The following GLI3 variants were observed in gnomAD, a reference collection of about 807,000 sequenced individuals.
The protein encoded by GLI3 is transcription activator GLI3.
GLI3 carries 20 observed loss-of-function variants against 100.8 expected under a neutral mutation model. The ratio of observed to expected loss-of-function variants is 0.20; its 90% CI spans 0.14 to 0.29. GLI3 has a LOEUF of 0.29. Among genes scored for constraint, GLI3 ranks in the 10% least tolerant of loss-of-function variants. The pLI is 1.00. For synonymous variants in GLI3, 938 were observed against 860.5 expected, an observed-to-expected ratio of 1.09 and a Z score of -1.58; for missense variants, 2,040 against 2,128.5, an observed-to-expected ratio of 0.96 and a Z score of 0.82.
At chr7:42,260,966 G>C (rs1026652007) in intron 1 of GLI3, among the ~76,000 whole-genome samples, 2 of 152,176 alleles carry the variant, frequency 1.3e-5, no homozygotes, top group African/African-American at 4.8e-5. Context: ...AGCATGGCTA[G>C]AGCATACTCT....
chr7:41,978,566 C>A (rs1347237487), intron 11 of GLI3, 33 bp downstream of exon 11: 1 of 1,608,880 alleles, frequency 6.2e-7, no homozygotes, highest in Non-Finnish European at 8.5e-7. Flanking sequence ...GGGGAAGGAC[C>A]CAAGTGTGCC....
chr7:42,258,507 C>A (rs1218494353), intron 1 of GLI3, among the ~76,000 whole-genome samples: 2 of 152,156 alleles, frequency 1.3e-5, no homozygotes, highest in Non-Finnish European at 2.9e-5. Context: ...TGTTAAAATG[C>A]CTTCTTGGTT....
intron 10 of GLI3, among the ~76,000 whole-genome samples, chr7:41,979,543 G>T (rs1416026872): frequency 6.6e-6 from 1 of 152,084 alleles, no homozygotes; most frequent in African/African-American, 2.4e-5. Context: ...TAATTTCTTG[G>T]ATTAATACAA....
intron 6 of GLI3, 33 bp from the exon 7 acceptor site, chr7:42,040,272 T>G: frequency 2.0e-6 from 3 of 1,467,052 alleles, no homozygotes; most frequent in Non-Finnish European, 2.9e-6. Context: ...CCTAATTACC[T>G]GCAGTTGGAC....
In GLI3 at chr7:41,976,098, A is replaced by T. The variant is rs575433514; in HGVS notation, c.1812+1460T>A. Among the ~76,000 whole-genome samples, 13 of 152,138 alleles carry T rather than the reference A, an allele frequency of 8.5e-5. No homozygotes were observed. The South Asian group carries it at 2.5e-3, about 29-fold the overall frequency. ...CTTGTATCCATTAGCAGTCATCACT[A>T]TTCCCTCTCCCCTCTGCTTTTGGCA... On this transcript the variant is annotated intron_variant, in intron 12 of 14. Coordinates refer to ENST00000395925, the MANE Select transcript of GLI3 (RefSeq NM_000168.6).
chr7:42,136,272 G>A (rs1197749583), intron 3 of GLI3, among the ~76,000 whole-genome samples: 1 of 152,170 alleles, frequency 6.6e-6, no homozygotes, highest in East Asian at 1.9e-4. Flanking sequence ...CCATGAGAAG[G>A]ACAACGTTTT....
At chr7:42,066,769 C>G (rs1784683798) in intron 4 of GLI3, among the ~76,000 whole-genome samples, 1 of 152,218 alleles carries the variant, frequency 6.6e-6, no homozygotes, top group African/African-American at 2.4e-5. Flanking sequence ...TCTTCTATTT[C>G]CAGTGGACTC....
upstream of GLI3, among the ~76,000 whole-genome samples, chr7:42,238,025 T>C (rs376561464): frequency 4.3e-3 from 470 of 108,924 alleles, 1 homozygote; most frequent in African/African-American, 0.012. Context: ...TCCTCCTCCT[T>C]CTCCTCCTCC....
chr7:41,993,769 C>T (rs1450256480), intron 10 of GLI3, among the ~76,000 whole-genome samples: 1 of 152,148 alleles, frequency 6.6e-6, no homozygotes, highest in East Asian at 1.9e-4. Context: ...CGGCTGCCTG[C>T]CTTAGATTTG....
Position 41,960,958 on chromosome 7 carries a change from A to G in GLI3, c.*3372T>C, listed in dbSNP as rs1395381050. 6.6e-6 allele frequency: 1 copy of G among 152,598 alleles called. No homozygotes were observed. Among genetic ancestry groups the G allele is most frequent in the Non-Finnish European group, 1.5e-5 (1 of 68,012 alleles). The allele number at this position is 152,598 out of a possible 1,614,324, so 9.5% of individuals were successfully genotyped here. On this transcript the variant is annotated 3_prime_UTR_variant, in exon 15 of 15. Coordinates refer to ENST00000395925, the MANE Select transcript of GLI3 (RefSeq NM_000168.6). ...AACAACCCAATAAAAATTTCCATAC[A>G]AAGAATTTTTTATTGACATTGTAAG... is the stretch of plus-strand genomic sequence containing the variant.
At chr7:42,228,922 A>G (rs1187798107) in intron 1 of GLI3, among the ~76,000 whole-genome samples, 1 of 152,198 alleles carries the variant, frequency 6.6e-6, no homozygotes, top group Non-Finnish European at 1.5e-5. Flanking sequence ...TAGTAAATAG[A>G]AAATATGAAA....
At chr7:42,188,645 C>T (rs6970699) in intron 2 of GLI3, among the ~76,000 whole-genome samples, 102,114 of 152,068 alleles carry the variant, frequency 0.67, 36,524 homozygotes, top group African/African-American at 0.92. Context: ...CATCCAGACA[C>T]TGGAATATTA....
intron 3 of GLI3, among the ~76,000 whole-genome samples, chr7:42,082,544 G>A (rs1208639086): frequency 6.6e-6 from 1 of 152,042 alleles, no homozygotes. Context: ...ACCCCCACAG[G>A]GCCCCGCTGA....
chr7:42,202,613 C>T (rs865926863), intron 2 of GLI3, among the ~76,000 whole-genome samples: 1 of 152,160 alleles, frequency 6.6e-6, no homozygotes, highest in African/African-American at 2.4e-5. Flanking sequence ...TGCCATCTTG[C>T]ACAAATAAAT....
At chr7:42,246,414 G>A (rs936625203) in intron 1 of GLI3, among the ~76,000 whole-genome samples, 9 of 152,262 alleles carry the variant, frequency 5.9e-5, no homozygotes, top group Admixed American at 5.2e-4. Flanking sequence ...TACTCTGTAT[G>A]CAGGAATGAT....
chr7:42,001,191 G>C (rs541999792), intron 10 of GLI3, among the ~76,000 whole-genome samples: 1 of 134,050 alleles, frequency 7.5e-6, no homozygotes, highest in African/African-American at 2.9e-5. Context: ...GTTGCAGTGA[G>C]CCGAGATCAC....
chr7:42,162,393 G>A (rs1013535225), intron 2 of GLI3, among the ~76,000 whole-genome samples: 1 of 152,184 alleles, frequency 6.6e-6, no homozygotes, highest in Non-Finnish European at 1.5e-5. Context: ...GAGAACACAT[G>A]TAATTTTTTC....
intron 4 of GLI3, among the ~76,000 whole-genome samples, chr7:42,063,733 T>G (rs1784618795): frequency 1.3e-5 from 2 of 152,194 alleles, no homozygotes; most frequent in African/African-American, 4.8e-5. Flanking sequence ...TGACAGACAC[T>G]GTGTTAAGTG....
chr7:42,240,475 C>T (rs1387752653), upstream of GLI3, among the ~76,000 whole-genome samples: 1 of 152,098 alleles, frequency 6.6e-6, no homozygotes, highest in Non-Finnish European at 1.5e-5. Flanking sequence ...GGGCCACACT[C>T]CCTCTGAAAC....
Sources: allele counts gnomAD v4.1 joint callset (sites outside exome capture counted in the v4.1 genomes callset), GRCh38; gene constraint gnomAD v4.1.1; transcripts MANE v1.5; gene names NCBI Gene and HGNC (gene_info 2026-07-23, HGNC 2026-07-21).